The following CFAP299 variants were observed in gnomAD, a reference collection of about 807,000 sequenced individuals.
CFAP299 encodes cilia- and flagella-associated protein 299.
Under a neutral mutation model 27.0 loss-of-function variants are expected in CFAP299, and 21 were observed. The observed-to-expected ratio is 0.78, with a 90% confidence interval of 0.55 to 1.12. CFAP299 has a LOEUF of 1.12. Among genes scored for constraint, CFAP299 ranks in the 50% most tolerant of loss-of-function variants. The probability of loss-of-function intolerance (pLI) is 0.00; values close to 1 mark genes in which losing one functional copy is unlikely to be tolerated. For missense variants in CFAP299, 310 were observed against 276.6 expected (o/e 1.12, Z -0.86); for synonymous variants, 104 against 98.1 (o/e 1.06, Z -0.36).
At chr4:80,499,673 T>C (rs962764821) in intron 2 of CFAP299, among the ~76,000 whole-genome samples, 5 of 152,138 alleles carry the variant, frequency 3.3e-5, no homozygotes, top group Non-Finnish European at 5.9e-5. Flanking sequence ...TTCAGTATTT[T>C]TTGTTTCTAT....
At chr4:80,507,091 T>A (rs1732072087) in intron 2 of CFAP299, among the ~76,000 whole-genome samples, 1 of 152,206 alleles carries the variant, frequency 6.6e-6, no homozygotes, top group Admixed American at 6.5e-5. Flanking sequence ...TGTTCTATTA[T>A]TTACAGCCCT....
At chr4:80,918,884 T>C (rs923548742) in intron 4 of CFAP299, among the ~76,000 whole-genome samples, 4 of 152,102 alleles carry the variant, frequency 2.6e-5, no homozygotes, top group Admixed American at 6.6e-5. Flanking sequence ...GTTGAGGGCA[T>C]AGGTTCTATT....
intron 2 of CFAP299, among the ~76,000 whole-genome samples, chr4:80,373,138 C>A (rs1042308270): frequency 2.0e-5 from 3 of 151,916 alleles, no homozygotes; most frequent in African/African-American, 7.3e-5. Flanking sequence ...TGGACCTAAC[C>A]CTTGCATAGA....
At chr4:80,578,388 A>C (rs1287582906) in intron 2 of CFAP299, among the ~76,000 whole-genome samples, 1 of 152,156 alleles carries the variant, frequency 6.6e-6, no homozygotes, top group Non-Finnish European at 1.5e-5. Flanking sequence ...CTGTCGCACA[A>C]TATAAGAAGG....
intron 2 of CFAP299, among the ~76,000 whole-genome samples, chr4:80,463,553 A>G (rs553183139): frequency 6.6e-6 from 1 of 152,152 alleles, no homozygotes; most frequent in Non-Finnish European, 1.5e-5. Flanking sequence ...GTTCTGGTGC[A>G]TAGACGTCCA....
At chr4:80,620,922 G>C (rs1308312341) in intron 3 of CFAP299, among the ~76,000 whole-genome samples, 3 of 152,202 alleles carry the variant, frequency 2.0e-5, no homozygotes, top group African/African-American at 7.2e-5. Context: ...AGTATATAGA[G>C]TGTCTCACAG....
intron 4 of CFAP299, among the ~76,000 whole-genome samples, chr4:80,914,075 G>A (rs1003744906): frequency 6.6e-6 from 1 of 152,012 alleles, no homozygotes; most frequent in East Asian, 1.9e-4. Flanking sequence ...GATATGCCAC[G>A]ATTTGTTCAT....
At chr4:80,683,779 C>T (rs796543888) in intron 3 of CFAP299, among the ~76,000 whole-genome samples, 6 of 152,254 alleles carry the variant, frequency 3.9e-5, no homozygotes, top group African/African-American at 1.2e-4. Context: ...GATATAACAA[C>T]GTTTATGAAA....
chr4:80,514,693 C>T (rs531424045), intron 2 of CFAP299, among the ~76,000 whole-genome samples: 8 of 152,086 alleles, frequency 5.3e-5, no homozygotes, highest in Non-Finnish European at 1.0e-4. Flanking sequence ...GCTGTTCTCC[C>T]TCTTTTCTCC....
intron 3 of CFAP299, among the ~76,000 whole-genome samples, chr4:80,723,660 ATTG>A (rs961476443): frequency 2.6e-5 from 4 of 152,150 alleles, no homozygotes; most frequent in Non-Finnish European, 4.4e-5. Flanking sequence ...TATTATCTTT[ATTG>A]TTGTGACAAT....
chr4:80,798,162 C>T (rs1727979392), intron 3 of CFAP299, among the ~76,000 whole-genome samples: 5 of 152,062 alleles, frequency 3.3e-5, no homozygotes, highest in Admixed American at 3.3e-4. Context: ...CTCTGGGGCC[C>T]ACCTAGACTT....
At chr4:80,771,228 T>C (rs6826114) in intron 3 of CFAP299, among the ~76,000 whole-genome samples, 1 of 152,126 alleles carries the variant, frequency 6.6e-6, no homozygotes, top group Non-Finnish European at 1.5e-5. Context: ...CCTAGGGTTA[T>C]TGTGAAGCAT....
At chr4:80,388,158 G>T in intron 2 of CFAP299, 1 of 668,362 alleles carries the variant, frequency 1.5e-6, no homozygotes, top group South Asian at 1.7e-5. Context: ...GGTGGAGGTG[G>T]TGAGGGCAGT....
chr4:80,896,174 C>T (rs1159809078), intron 4 of CFAP299, among the ~76,000 whole-genome samples: 1 of 151,946 alleles, frequency 6.6e-6, no homozygotes, highest in Non-Finnish European at 1.5e-5. Flanking sequence ...AAACTGAAAA[C>T]ATTAGCAATA....
intron 4 of CFAP299, among the ~76,000 whole-genome samples, chr4:80,933,914 T>G (rs961555691): frequency 6.6e-6 from 1 of 152,128 alleles, no homozygotes; most frequent in African/African-American, 2.4e-5. Flanking sequence ...TTGAAGGTCT[T>G]CTATTTCTTT....
chr4:80,345,459 G>A (rs1299901104), intron 1 of CFAP299, among the ~76,000 whole-genome samples: 2 of 128,520 alleles, frequency 1.6e-5, no homozygotes, highest in East Asian at 2.2e-4. Flanking sequence ...GGTGTGTGAT[G>A]TTCCCCTCCC....
intron 3 of CFAP299, among the ~76,000 whole-genome samples, chr4:80,623,045 C>T (rs985453833): frequency 2.0e-5 from 3 of 151,958 alleles, no homozygotes; most frequent in African/African-American, 7.3e-5. Context: ...TTCTAAGTTG[C>T]CCACTGGGTT....
chr4:80,862,833 G>A (rs1258473959), intron 3 of CFAP299, among the ~76,000 whole-genome samples: 1 of 152,074 alleles, frequency 6.6e-6, no homozygotes, highest in Non-Finnish European at 1.5e-5. Flanking sequence ...GATTGACTGA[G>A]ATAATATAGA....
intron 3 of CFAP299, among the ~76,000 whole-genome samples, chr4:80,621,883 GGTGA>G (rs1738622232): frequency 6.6e-6 from 1 of 152,004 alleles, no homozygotes. Context: ...GGGATGGTGG[GGTGA>G]GGACTGCTAA....
Sources: allele counts gnomAD v4.1 joint callset (sites outside exome capture counted in the v4.1 genomes callset), GRCh38; gene constraint gnomAD v4.1.1; transcripts MANE v1.5; gene names NCBI Gene and HGNC (gene_info 2026-07-23, HGNC 2026-07-21).